GPM6A: variants seen among roughly 807,000 people sequenced by gnomAD.
The protein encoded by GPM6A is glycoprotein M6A.
A neutral mutation model predicts 32.1 loss-of-function variants in GPM6A; 7 were observed. The observed-to-expected ratio is 0.22, with a 90% CI of 0.12 to 0.41. The LOEUF is 0.41. Ranked by LOEUF, GPM6A falls within the 10% of genes least tolerant of loss-of-function variation. The pLI, the probability that GPM6A is intolerant of heterozygous loss-of-function variation, is 1.00. For missense variants in GPM6A, 235 were observed against 347.2 expected, an observed-to-expected ratio of 0.68 and a Z score of 2.57; for synonymous variants, 130 against 123.4, an observed-to-expected ratio of 1.05 and a Z score of -0.35.
At chr4:175,825,134 G>A (rs778433315) in intron 1 of GPM6A, among the ~76,000 whole-genome samples, 7 of 152,086 alleles carry the variant, frequency 4.6e-5, no homozygotes, top group Non-Finnish European at 7.3e-5. Flanking sequence ...AAATTGAATT[G>A]TAAATTTAAA....
chr4:175,812,114 A>T, intron 1 of GPM6A, 77 bp downstream of exon 1: 3 of 1,069,600 alleles, frequency 2.8e-6, no homozygotes, highest in Non-Finnish European at 4.2e-6. Flanking sequence ...CATTAGCCTT[A>T]CTGGCAAGTG....
intron 4 of GPM6A, among the ~76,000 whole-genome samples, chr4:175,650,811 G>T (rs1327189042): frequency 1.3e-5 from 2 of 152,136 alleles, no homozygotes; most frequent in African/African-American, 4.8e-5. Context: ...CTTTTCTGAA[G>T]TATGAGGAAA....
chr4:175,958,466 C>T (rs1443707568), intron 1 of GPM6A, among the ~76,000 whole-genome samples: 2 of 152,168 alleles, frequency 1.3e-5, no homozygotes. Context: ...CCTTGAGAAC[C>T]ATAAAGCCAC....
In GPM6A at chr4:175,633,264, A is replaced by G. The variant is rs1388403072; in HGVS notation, c.*1641T>C. ...ATATCTGTAATACTGCATATATCAG[A>G]AAAATGTTGAACCAGTAAGATAATC... On this transcript the variant is annotated 3_prime_UTR_variant, in exon 7 of 7. Coordinates refer to ENST00000393658, the MANE Select transcript of GPM6A (RefSeq NM_201591.3). 1 of 152,472 alleles carries G rather than the reference A, an allele frequency of 6.6e-6. No homozygotes were observed. The highest frequency in any genetic ancestry group is 2.4e-5 in the African/African-American group (1 of 41,432). The allele number at this position is 152,472 out of a possible 1,614,324, so 9.4% of individuals were successfully genotyped here.
intron 2 of GPM6A, among the ~76,000 whole-genome samples, chr4:175,685,015 G>A (rs1229231079): frequency 6.6e-6 from 1 of 152,002 alleles, no homozygotes; most frequent in Non-Finnish European, 1.5e-5. Flanking sequence ...AGCCTCCCGA[G>A]TAGCTGGGAC....
chr4:175,884,724 G>A (rs1442208764), intron 1 of GPM6A, among the ~76,000 whole-genome samples: 1 of 151,826 alleles, frequency 6.6e-6, no homozygotes, highest in Admixed American at 6.6e-5. Flanking sequence ...AGTAGAGACA[G>A]GGTTTCACCA....
chr4:175,668,543 T>TGTGTGTGTGTGTGTG (rs1742878840), intron 3 of GPM6A, among the ~76,000 whole-genome samples: 2 of 19,566 alleles, frequency 1.0e-4, no homozygotes, highest in African/African-American at 6.6e-5. Context: ...GTGTGTGTGT[T>TGTGTGTGTGTGTGTG]TATTTTAAAA....
intron 1 of GPM6A, among the ~76,000 whole-genome samples, chr4:175,858,399 G>C: frequency 6.6e-6 from 1 of 151,994 alleles, no homozygotes; most frequent in East Asian, 1.9e-4. Flanking sequence ...GGGTGTGGTG[G>C]TGGGTGCCTA....
intron 1 of GPM6A, among the ~76,000 whole-genome samples, chr4:175,768,571 G>A (rs1733063946): frequency 6.6e-6 from 1 of 151,786 alleles, no homozygotes; most frequent in Non-Finnish European, 1.5e-5. Context: ...GCAAGATGAG[G>A]AGAAATAGTG....
intron 1 of GPM6A, among the ~76,000 whole-genome samples, chr4:175,758,974 G>T (rs1311671201): frequency 6.6e-6 from 1 of 152,106 alleles, no homozygotes. Flanking sequence ...CTCTCCTTGA[G>T]ACCTCAGCTG....
At chr4:175,763,171 G>C (rs1157334101) in intron 1 of GPM6A, among the ~76,000 whole-genome samples, 1 of 151,994 alleles carries the variant, frequency 6.6e-6, no homozygotes, top group African/African-American at 2.4e-5. Flanking sequence ...TTTTTGAAAA[G>C]TATTTCAGAT....
At chr4:175,825,421 T>C (rs1735402565) in intron 1 of GPM6A, among the ~76,000 whole-genome samples, 1 of 152,196 alleles carries the variant, frequency 6.6e-6, no homozygotes, top group African/African-American at 2.4e-5. Flanking sequence ...GTAAATCTAA[T>C]TTATAGGGCA....
chr4:175,714,339 G>A (rs1745718659), intron 1 of GPM6A, among the ~76,000 whole-genome samples: 1 of 152,248 alleles, frequency 6.6e-6, no homozygotes, highest in East Asian at 1.9e-4. Flanking sequence ...TTTTTTAACA[G>A]TTCCAAGGCA....
chr4:175,978,120 A>G (rs986610134), intron 1 of GPM6A, among the ~76,000 whole-genome samples: 1 of 152,216 alleles, frequency 6.6e-6, no homozygotes, highest in Non-Finnish European at 1.5e-5. Flanking sequence ...CTATAAAGAT[A>G]CTACCCAAGA....
At chr4:175,759,767 TA>T (rs1266232766) in intron 1 of GPM6A, among the ~76,000 whole-genome samples, 2 of 152,232 alleles carry the variant, frequency 1.3e-5, no homozygotes, top group Admixed American at 1.3e-4. Context: ...AGTAAAAATT[TA>T]ATCTCTAAAA....
chr4:175,844,610 T>C (rs1212465921), intron 1 of GPM6A, among the ~76,000 whole-genome samples: 1 of 152,190 alleles, frequency 6.6e-6, no homozygotes, highest in Non-Finnish European at 1.5e-5. Context: ...TTTCTTTCAT[T>C]CTTTAAAATC....
chr4:175,872,101 C>T (rs1466846754), intron 1 of GPM6A, among the ~76,000 whole-genome samples: 1 of 152,170 alleles, frequency 6.6e-6, no homozygotes, highest in African/African-American at 2.4e-5. Flanking sequence ...TCCTTCTCCT[C>T]CTGGCTAATT....
intron 3 of GPM6A, among the ~76,000 whole-genome samples, chr4:175,654,996 T>C (rs1054232245): frequency 6.6e-6 from 1 of 152,140 alleles, no homozygotes; most frequent in Non-Finnish European, 1.5e-5. Context: ...ATGGGACTTA[T>C]AATTCAATAG....
chr4:175,748,356 A>G (rs1732189405), intron 1 of GPM6A, among the ~76,000 whole-genome samples: 1 of 152,198 alleles, frequency 6.6e-6, no homozygotes, highest in Admixed American at 6.6e-5. Context: ...TATTTCTTAA[A>G]TAATAAGGTT....
Sources: allele counts gnomAD v4.1 joint callset (sites outside exome capture counted in the v4.1 genomes callset), GRCh38; gene constraint gnomAD v4.1.1; transcripts MANE v1.5; gene names NCBI Gene and HGNC (gene_info 2026-07-23, HGNC 2026-07-21).